The following LYPD6B variants were observed in gnomAD, a reference collection of about 807,000 sequenced individuals.
LYPD6B encodes LY6/PLAUR domain containing 6B.
Under a neutral mutation model 22.8 loss-of-function variants are expected in LYPD6B, and 17 were observed. The ratio of observed to expected loss-of-function variants is 0.75; its 90% CI spans 0.51 to 1.12. LYPD6B has a LOEUF of 1.12. LYPD6B is among the 50% of genes most tolerant of loss of function. The pLI is 0.00. For synonymous variants in LYPD6B, 106 were observed against 91.6 expected, an observed-to-expected ratio of 1.16 and a Z score of -0.90; for missense variants, 221 against 258.3, an observed-to-expected ratio of 0.86 and a Z score of 0.99.
rs771553776 is a variant in LYPD6B, at chr2:149,214,701, A to G, written c.615A>G (p.Pro205=). Reference sequence around the variant, plus strand: ...TGCTTGCCTGGGTCTTTGTGCTTCCATTGCTGTGATGCCACCATTCCTAGG... The same window carrying G: ...TGCTTGCCTGGGTCTTTGTGCTTCCGTTGCTGTGATGCCACCATTCCTAGG... ...LPVLAWVFVL[P]LL is the part of the protein sequence containing the mutation. Residue 205 remains proline (P), a synonymous_variant, in exon 7 of 7, where the codon CCA becomes CCG. Coordinates refer to ENST00000409642, the MANE Select transcript of LYPD6B (RefSeq NM_177964.5). 1.2e-6 allele frequency: 2 copies of G among 1,613,938 alleles called. No homozygotes were observed. Among genetic ancestry groups the G allele is most frequent in the Admixed American group, 3.3e-5 (2 of 60,028 alleles).
intron 1 of LYPD6B, among the ~76,000 whole-genome samples, chr2:149,087,564 A>C (rs1472413330): frequency 6.6e-6 from 1 of 150,730 alleles, no homozygotes; most frequent in Non-Finnish European, 1.5e-5. Context: ...TGACTGTCTA[A>C]AAAAAAAAAT....
At chr2:149,213,146 T>G (rs1693982553) in intron 6 of LYPD6B, 24 bp downstream of exon 6, 24 of 1,611,840 alleles carry the variant, frequency 1.5e-5, no homozygotes, top group Non-Finnish European at 2.0e-5. Context: ...GTGTGTGTTA[T>G]TGTCTAAACT....
At chr2:149,133,915 G>T (rs1264791144) in intron 2 of LYPD6B, among the ~76,000 whole-genome samples, 1 of 152,138 alleles carries the variant, frequency 6.6e-6, no homozygotes, top group Non-Finnish European at 1.5e-5. Context: ...CTGTTCTCTG[G>T]GGATATGTTA....
At chr2:149,055,586 A>G (rs900529755) in intron 1 of LYPD6B, among the ~76,000 whole-genome samples, 1 of 152,200 alleles carries the variant, frequency 6.6e-6, no homozygotes, top group Non-Finnish European at 1.5e-5. Flanking sequence ...TTCTGCTTAC[A>G]AGTTATGCAC....
chr2:149,050,530 G>A lies in LYPD6B; in HGVS notation c.-67+11729G>A, dbSNP rs368893877. 1.1e-4 allele frequency among the ~76,000 whole-genome samples: 16 copies of A among 152,164 alleles called. No homozygotes were observed. In the East Asian group the frequency reaches 1.7e-3, roughly 17 times the overall value. On this transcript the variant is annotated intron_variant, in intron 1 of 6. Transcript: ENST00000409642. Reference sequence around the variant, plus strand: ...AGTACATTACCGAAAAAATAGGCACGGTGTGTTTTATTTGTCTTTTAGTAA... The same window carrying A: ...AGTACATTACCGAAAAAATAGGCACAGTGTGTTTTATTTGTCTTTTAGTAA...
intron 3 of LYPD6B, among the ~76,000 whole-genome samples, chr2:149,172,979 C>CATATAT (rs35825610): frequency 2.2e-4 from 32 of 148,540 alleles, no homozygotes; most frequent in African/African-American, 7.7e-4. Flanking sequence ...TTTTAATAAG[C>CATATAT]ATATATATAT....
chr2:149,126,246 G>A (rs1687689208), intron 1 of LYPD6B, among the ~76,000 whole-genome samples: 1 of 152,114 alleles, frequency 6.6e-6, no homozygotes, highest in African/African-American at 2.4e-5. Context: ...TCTAGATGTG[G>A]AATATAGTTG....
chr2:149,103,291 T>A (rs1355807807), intron 1 of LYPD6B, among the ~76,000 whole-genome samples: 1 of 152,176 alleles, frequency 6.6e-6, no homozygotes, highest in Non-Finnish European at 1.5e-5. Flanking sequence ...TCCTCTGATA[T>A]AATCTCAGAA....
At position 149,180,133 on chromosome 2, in the gene LYPD6B, T is replaced by C. The variant is rs1351408217; in HGVS notation, c.77+19298T>C. Among the ~76,000 whole-genome samples, 5 of 152,222 alleles carry C rather than the reference T, an allele frequency of 3.3e-5. No homozygotes were observed. In the East Asian group the frequency reaches 9.6e-4, roughly 29 times the overall value. On this transcript the variant is annotated intron_variant, in intron 3 of 6. Transcript: ENST00000409642. ...TGCTCTAGCATCTGCGAAGACACTT[T>C]GTCTGTCTCGATAAACATAGTTAAG... is the stretch of plus-strand genomic sequence containing the variant.
At chr2:149,067,285 G>A (rs1389614213) in intron 1 of LYPD6B, among the ~76,000 whole-genome samples, 1 of 152,030 alleles carries the variant, frequency 6.6e-6, no homozygotes, top group Admixed American at 6.6e-5. Context: ...GATCAGTTGT[G>A]AATGCTTTTT....
At chr2:149,148,313 CT>C (rs1399229655) in intron 2 of LYPD6B, among the ~76,000 whole-genome samples, 1 of 152,108 alleles carries the variant, frequency 6.6e-6, no homozygotes, top group Non-Finnish European at 1.5e-5. Flanking sequence ...AAATTGGAGG[CT>C]TTTAGGAAAG....
At chr2:149,212,494 C>A (rs1693936750) in intron 5 of LYPD6B, among the ~76,000 whole-genome samples, 1 of 151,290 alleles carries the variant, frequency 6.6e-6, no homozygotes, top group Non-Finnish European at 1.5e-5. Flanking sequence ...ATTCGAAGCA[C>A]CTGCTTTTCA....
intron 3 of LYPD6B, among the ~76,000 whole-genome samples, chr2:149,172,769 AGAG>A (rs373133540): frequency 2.0e-5 from 3 of 152,228 alleles, no homozygotes; most frequent in African/African-American, 7.2e-5. Context: ...ACGAAAAGGC[AGAG>A]GAGGATTGAA....
intron 1 of LYPD6B, among the ~76,000 whole-genome samples, chr2:149,105,478 T>C (rs1436537518): frequency 1.3e-5 from 2 of 152,218 alleles, no homozygotes; most frequent in Admixed American, 6.5e-5. Context: ...AAGTTTTCTT[T>C]ACGTTGTTTC....
intron 1 of LYPD6B, among the ~76,000 whole-genome samples, chr2:149,127,487 C>G (rs1023068810): frequency 2.0e-5 from 3 of 152,232 alleles, no homozygotes; most frequent in African/African-American, 7.2e-5. Context: ...CGCTCAGTCT[C>G]TGGTTCCAGA....
chr2:149,069,184 G>GTGGCCTT (rs1558979146), intron 1 of LYPD6B, among the ~76,000 whole-genome samples: 1 of 151,412 alleles, frequency 6.6e-6, no homozygotes, highest in African/African-American at 2.4e-5. Context: ...GGCTGGTGGG[G>GTGGCCTT]GTGGCCTTGG....
In LYPD6B at chr2:149,213,025, C is replaced by T; in HGVS notation, c.362C>T (p.Thr121Ile). The change falls in exon 6 of 7, where the codon ACC becomes ATC. Residue 121 changes from threonine to isoleucine, a missense_variant. Transcript: ENST00000409642. ...TACTGTTTGACAGTTCATCACTTCA[C>T]CAGCCACGGAAGAAGCACATCCATC... is the stretch of plus-strand genomic sequence containing the variant. ...TQYCLTVHHF[T>I]SHGRSTSITK... 6.2e-7 allele frequency: 1 copy of T among 1,613,958 alleles called. No individual in the cohort carries two copies. Among genetic ancestry groups the T allele is most frequent in the African/African-American group, 1.3e-5 (1 of 75,032 alleles).
chr2:149,145,959 G>A (rs1329604890), intron 2 of LYPD6B, among the ~76,000 whole-genome samples: 1 of 152,214 alleles, frequency 6.6e-6, no homozygotes. Flanking sequence ...GGAAACATGT[G>A]ACCGGAGGTG....
intron 1 of LYPD6B, among the ~76,000 whole-genome samples, chr2:149,098,117 T>C (rs1475865488): frequency 6.6e-6 from 1 of 152,178 alleles, no homozygotes; most frequent in South Asian, 2.1e-4. Context: ...TACGAGATAA[T>C]AGACCCAGCT....
Sources: gnomAD v4.1 joint callset for allele counts (sites outside exome capture counted in the v4.1 genomes callset) on GRCh38, gnomAD v4.1.1 for gene constraint, MANE v1.5 for transcripts, NCBI Gene and HGNC (gene_info 2026-07-23, HGNC 2026-07-21) for gene names.